MANEAL: variants seen among roughly 807,000 people sequenced by gnomAD.
MANEAL encodes mannosidase endo-alpha like, also known as glycoprotein endo-alpha-1,2-mannosidase-like protein.
A neutral mutation model predicts 35.9 loss-of-function variants in MANEAL; 28 were observed. That is an observed-to-expected ratio of 0.78 (90% CI 0.58 to 1.07). MANEAL has a LOEUF of 1.07. Ranked by LOEUF, MANEAL falls within the 50% of genes least tolerant of loss-of-function variation. The pLI, the probability that MANEAL is intolerant of heterozygous loss-of-function variation, is 0.00. For missense variants in MANEAL, 576 were observed against 629.6 expected (o/e 0.91, Z 0.91); for synonymous variants, 286 against 272.2 (o/e 1.05, Z -0.50).
At position 37,794,332 on chromosome 1, in the gene MANEAL, C is replaced by T. The variant is rs1487728380; in HGVS notation, c.150C>T (p.Arg50=). The T allele has an allele frequency of 9.1e-7, 1 of 1,104,558 alleles. No individual in the cohort carries two copies. The highest frequency in any genetic ancestry group is 1.1e-6 in the Non-Finnish European group (1 of 905,264). 68.4% of individuals were successfully genotyped at this position (1,104,558 alleles called of 1,614,324 possible). ...PGLELAPFER[R]PEGAPAPAAR... Reference sequence around the variant, plus strand: ...TGGAGCTGGCGCCCTTTGAGCGACGCCCAGAGGGGGCCCCCGCGCCCGCTG... The same window carrying T: ...TGGAGCTGGCGCCCTTTGAGCGACGTCCAGAGGGGGCCCCCGCGCCCGCTG... Residue 50 remains arginine (R), a synonymous_variant, in exon 1 of 4, where the codon CGC becomes CGT. Coordinates refer to ENST00000373045, the MANE Select transcript of MANEAL (RefSeq NM_001113482.2). This position sits in a 1 kb window ranked among gnomAD's most constrained non-coding sequence, Gnocchi z 5.7.
chr1:37,799,636 C>A lies in MANEAL; in HGVS notation c.807C>A (p.Ile269=), dbSNP rs150717434. The change falls in exon 4 of 4, where the codon ATC becomes ATA. Residue 269 remains isoleucine, a synonymous_variant. Transcript: ENST00000373045. This position sits in a 1 kb window ranked among gnomAD's most constrained non-coding sequence, Gnocchi z 4.1. ...GCAAGAGCCTCCCACTCTTTTATAT[C>A]TACGACTCATACCTGACGTCCCCTG... The part of the protein sequence containing the change: ...SMGKSLPLFY[I]YDSYLTSPEA... 8.7e-6 allele frequency: 14 copies of A among 1,614,082 alleles called. No homozygotes were observed. Among genetic ancestry groups the A allele is most frequent in the Non-Finnish European group, 1.2e-5 (14 of 1,180,050 alleles).
Position 37,799,538 on chromosome 1 carries a change from C to T in MANEAL, c.738-29C>T. On this transcript the variant is annotated intron_variant, in intron 3 of 3. Transcript: ENST00000373045. The surrounding 1 kb of genome is among the most constrained non-coding windows in gnomAD (Gnocchi z 4.1). Reference sequence around the variant, plus strand: ...TACAGCTGTGCTGGTCTCTCCCATCCAGCTGAGGCTCTTCTTTCTCCTTCT... The same window carrying T: ...TACAGCTGTGCTGGTCTCTCCCATCTAGCTGAGGCTCTTCTTTCTCCTTCT... 6.2e-7 allele frequency: 1 copy of T among 1,600,114 alleles called. No individual in the cohort carries two copies. The highest frequency in any genetic ancestry group is 1.1e-5 in the South Asian group (1 of 89,282).
Position 37,799,624 on chromosome 1 carries a change from ACT to A in MANEAL, c.798_799del (p.Phe267LeufsTer11). On this transcript the variant is annotated frameshift_variant, in exon 4 of 4. Transcript: ENST00000373045. LOFTEE classifies it high-confidence loss of function. The surrounding 1 kb of genome is among the most constrained non-coding windows in gnomAD (Gnocchi z 4.1). ...AGAACAGCATGGGCAAGAGCCTCCC[ACT>A]CTTTTATATCTACGACTCATACCTG... ...YKNSMGKSLP[L>X]FYIYDSYLTS... 1.2e-6 allele frequency: 2 copies of A among 1,613,872 alleles called. No individual in the cohort carries two copies. Among genetic ancestry groups the A allele is most frequent in the South Asian group, 1.1e-5 (1 of 91,060 alleles).
At chr1:37,795,074 G>C (rs1350457618) in intron 1 of MANEAL, among the ~76,000 whole-genome samples, 1 of 152,208 alleles carries the variant, frequency 6.6e-6, no homozygotes, top group Non-Finnish European at 1.5e-5. Flanking sequence ...AGGTTCTGGG[G>C]TTCAGAGGAG....
chr1:37,799,162 C>T lies in MANEAL; in HGVS notation c.738-405C>T, dbSNP rs1192130262. Among the ~76,000 whole-genome samples, 2 of 152,084 alleles carry T rather than the reference C, an allele frequency of 1.3e-5. No individual in the cohort carries two copies. Among genetic ancestry groups the T allele is most frequent in the Non-Finnish European group, 1.5e-5 (1 of 68,020 alleles). Reference sequence around the variant, plus strand: ...CAGATGCAAGTCCCATAAGATGGAACAAGCTTGCATGACACATGAGAGCCG... The same window carrying T: ...CAGATGCAAGTCCCATAAGATGGAATAAGCTTGCATGACACATGAGAGCCG... On this transcript the variant is annotated intron_variant, in intron 3 of 3. Transcript: ENST00000373045. The surrounding 1 kb of genome is among the most constrained non-coding windows in gnomAD (Gnocchi z 4.1).
rs1432109928 is a variant in MANEAL, at chr1:37,799,978, C to A, written c.1149C>A (p.Tyr383Ter). Reference protein sequence around the residue: ...HNTRNRVNGKYYETALQAALT... With the variant: ...HNTRNRVNGK ...CGCGCAACAGGGTCAATGGCAAGTA[C>A]TATGAGACGGCCCTGCAGGCGGCCC... is the stretch of plus-strand genomic sequence containing the variant. The change falls in exon 4 of 4, where the codon TAC becomes TAA. Residue 383 changes from tyrosine to a stop codon, truncating the protein, a stop_gained. Transcript: ENST00000373045. LOFTEE classifies it high-confidence loss of function. This position sits in a 1 kb window ranked among gnomAD's most constrained non-coding sequence, Gnocchi z 4.1. The A allele has an allele frequency of 6.2e-7, 1 of 1,614,236 alleles. No homozygotes were observed. Among genetic ancestry groups the A allele is most frequent in the Admixed American group, 1.7e-5 (1 of 60,034 alleles).
chr1:37,800,363 CAG>C lies in MANEAL; in HGVS notation c.*163_*164del, dbSNP rs1646688404. ...CCGTCAGGCATGGGCCTGTGCAACACAGAGCCCGTTCCTCAGGCGAGTGGTGC... is the reference window on the plus strand; with the variant it reads ...CCGTCAGGCATGGGCCTGTGCAACACAGCCCGTTCCTCAGGCGAGTGGTGC... On this transcript the variant is annotated 3_prime_UTR_variant, in exon 4 of 4. Transcript: ENST00000373045. 4 of 809,570 alleles carry C rather than the reference CAG, an allele frequency of 4.9e-6. No individual in the cohort carries two copies. Among genetic ancestry groups the C allele is most frequent in the Admixed American group, 5.5e-5 (2 of 36,246 alleles). 50.1% of individuals were successfully genotyped at this position (809,570 alleles called of 1,614,324 possible). A position where few individuals can be genotyped will look rare whatever the true frequency, so the allele number is the denominator to read the frequency against.
chr1:37,796,797 C>T lies in MANEAL; in HGVS notation c.714C>T (p.Asp238=), dbSNP rs763812503. 1 of 1,610,118 alleles carries T rather than the reference C, an allele frequency of 6.2e-7. No individual in the cohort carries two copies. The highest frequency in any genetic ancestry group is 8.5e-7 in the Non-Finnish European group (1 of 1,178,224). ...GCCGGGATGACATCACTGTACATGA[C>T]AACATCAAGTACATCATTGACACGT... The part of the protein sequence containing the change: ...YKGRDDITVH[D]NIKYIIDTYG... The change falls in exon 3 of 4, where the codon GAC becomes GAT. Residue 238 remains aspartate, a synonymous_variant. Transcript: ENST00000373045.
rs749990922 is a variant in MANEAL at position 37,799,625 on chromosome 1, C to A, written c.796C>A (p.Leu266Ile). The A allele has an allele frequency of 1.2e-6, 2 of 1,614,218 alleles. No homozygotes were observed. Among genetic ancestry groups the A allele is most frequent in the South Asian group, 2.2e-5 (2 of 91,088 alleles). ...GAACAGCATGGGCAAGAGCCTCCCA[C>A]TCTTTTATATCTACGACTCATACCT... is the stretch of plus-strand genomic sequence containing the variant. ...YKNSMGKSLP[L>I]FYIYDSYLTS... The change falls in exon 4 of 4, where the codon CTC (leucine) becomes ATC (isoleucine). Residue 266 changes from leucine to isoleucine, a missense_variant. This residue lies in a region of MANEAL where 449 missense variants were observed against 516.1 expected (regional missense o/e 0.87). Coordinates refer to ENST00000373045, the MANE Select transcript of MANEAL (RefSeq NM_001113482.2). The surrounding 1 kb of genome is among the most constrained non-coding windows in gnomAD (Gnocchi z 4.1).
At position 37,799,503 on chromosome 1, in the gene MANEAL, C is replaced by A; in HGVS notation, c.738-64C>A. 6.5e-7 allele frequency: 1 copy of A among 1,530,944 alleles called. No individual in the cohort carries two copies. The highest frequency in any genetic ancestry group is 8.8e-7 in the Non-Finnish European group (1 of 1,135,152). The allele number at this position is 1,530,944 out of a possible 1,614,324, so 94.8% of individuals were successfully genotyped here. On this transcript the variant is annotated intron_variant, in intron 3 of 3. Coordinates refer to ENST00000373045, the MANE Select transcript of MANEAL (RefSeq NM_001113482.2). This position sits in a 1 kb window ranked among gnomAD's most constrained non-coding sequence, Gnocchi z 4.1. ...CTGTGTTGCATCCGTATCTCATCCA[C>A]GGGAGGTCCTACAGCTGTGCTGGTC... is the stretch of plus-strand genomic sequence containing the variant.
In MANEAL at chr1:37,794,282, G is replaced by A. The variant is rs1217443486; in HGVS notation, c.100G>A (p.Gly34Arg). The A allele has an allele frequency of 1.2e-5, 15 of 1,255,108 alleles. No individual in the cohort carries two copies. The highest frequency in any genetic ancestry group is 4.1e-5 in the East Asian group (1 of 24,296). The allele number at this position is 1,255,108 out of a possible 1,614,324, so 77.7% of individuals were successfully genotyped here. The change falls in exon 1 of 4, where the codon GGA (glycine) becomes AGA (arginine). Residue 34 changes from glycine (G) to arginine (R), a missense_variant. Physicochemically the swap from Gly to Arg is moderately radical, Grantham distance 125 (BLOSUM62 -2). This residue lies in a region of MANEAL where 122 missense variants were observed against 97.2 expected (regional missense o/e 1.26). Coordinates refer to ENST00000373045, the MANE Select transcript of MANEAL (RefSeq NM_001113482.2). The surrounding 1 kb of genome is among the most constrained non-coding windows in gnomAD (Gnocchi z 5.7). The part of the protein sequence containing the change: ...MGLRTLKAPD[G>R]LPALGPGLEL... ...TCTGCGCACGCTCAAGGCTCCGGAC[G>A]GACTCCCGGCGCTGGGCCCGGGCCT...
intron 2 of MANEAL, 40 bp from the exon 3 acceptor site, chr1:37,796,700 CTAGA>C (rs1557573464): frequency 1.3e-6 from 2 of 1,544,708 alleles, no homozygotes; most frequent in Admixed American, 1.9e-5. Flanking sequence ...GTTGTGGCCC[CTAGA>C]TAGACACTCA....
intron 3 of MANEAL, among the ~76,000 whole-genome samples, chr1:37,797,464 CT>C (rs79029579): frequency 0.8 from 93,714 of 117,004 alleles, 37,016 homozygotes; most frequent in South Asian, 0.92. Flanking sequence ...AATGCCAGTG[CT>C]TTTTTTTTTT....
chr1:37,795,245 C>T (rs1037413511), intron 1 of MANEAL, among the ~76,000 whole-genome samples: 2 of 152,192 alleles, frequency 1.3e-5, no homozygotes, highest in Non-Finnish European at 1.5e-5. Flanking sequence ...GGCTTTTCAT[C>T]AAGCACCCAG....
Position 37,794,304 on chromosome 1 carries a change from G to C in MANEAL, c.122G>C (p.Gly41Ala). 4 of 1,187,300 alleles carry C rather than the reference G, an allele frequency of 3.4e-6. No homozygotes were observed. The highest frequency in any genetic ancestry group is 4.2e-6 in the Non-Finnish European group (4 of 953,142). 73.5% of individuals were successfully genotyped at this position (1,187,300 alleles called of 1,614,324 possible). ...GACGGACTCCCGGCGCTGGGCCCGG[G>C]CCTGGAGCTGGCGCCCTTTGAGCGA... Reference protein sequence around the residue: ...APDGLPALGPGLELAPFERRP... With the variant: ...APDGLPALGPALELAPFERRP... The change falls in exon 1 of 4, where the codon GGC becomes GCC. Residue 41 changes from glycine (G) to alanine (A), a missense_variant. Coordinates refer to ENST00000373045, the MANE Select transcript of MANEAL (RefSeq NM_001113482.2). This position sits in a 1 kb window ranked among gnomAD's most constrained non-coding sequence, Gnocchi z 5.7.
rs1479771925 is a variant in MANEAL, at chr1:37,794,237, G to T, written c.55G>T (p.Ala19Ser). 3.8e-6 allele frequency: 5 copies of T among 1,332,580 alleles called. No homozygotes were observed. The South Asian group carries it at 5.8e-5, about 16-fold the overall frequency. 82.5% of individuals were successfully genotyped at this position (1,332,580 alleles called of 1,614,324 possible). Residue 19 changes from alanine (A) to serine (S), a missense_variant, in exon 1 of 4, where the codon GCC becomes TCC. Coordinates refer to ENST00000373045, the MANE Select transcript of MANEAL (RefSeq NM_001113482.2). The surrounding 1 kb of genome is among the most constrained non-coding windows in gnomAD (Gnocchi z 5.7). ...CIALFLVLLF[A>S]FGTLMGLRTL... is the part of the protein sequence containing the mutation. ...CGCTCTGTTCCTGGTGCTGCTCTTC[G>T]CCTTCGGCACCCTCATGGGTCTGCG...
rs768543176 is a variant in MANEAL at position 37,800,009 on chromosome 1, G to T, written c.1180G>T (p.Val394Leu). The T allele has an allele frequency of 1.9e-6, 3 of 1,614,236 alleles. No homozygotes were observed. In the South Asian group the frequency reaches 3.3e-5, roughly 18 times the overall value. Reference protein sequence around the residue: ...YETALQAALTVRPEIVSITSF... With the variant: ...YETALQAALTLRPEIVSITSF... ...GACGGCCCTGCAGGCGGCCCTGACA[G>T]TGAGGCCCGAGATCGTTTCCATTAC... Residue 394 changes from valine (V) to leucine (L), a missense_variant, in exon 4 of 4, where the codon GTG (valine) becomes TTG (leucine). Physicochemically the swap from Val to Leu is conservative, Grantham distance 32. Transcript: ENST00000373045.
At chr1:37,796,594 A>G in intron 2 of MANEAL, 150 bp from the exon 3 acceptor site, 1 of 688,016 alleles carries the variant, frequency 1.5e-6, no homozygotes, top group Middle Eastern at 2.8e-4. Flanking sequence ...CTTCAAGGGC[A>G]GCAGCTGCCT....
Position 37,796,766 on chromosome 1 carries a change from A to G in MANEAL, c.683A>G (p.Tyr228Cys). ...SIQVAFHIQP[Y>C]KGRDDITVHD... ...CAGGTGGCCTTCCACATCCAACCCT[A>G]CAAGGGCCGGGATGACATCACTGTA... Residue 228 changes from tyrosine (Y) to cysteine (C), a missense_variant, in exon 3 of 4, where the codon TAC becomes TGC. Tyr to Cys is a radical substitution (Grantham distance 194). Coordinates refer to ENST00000373045, the MANE Select transcript of MANEAL (RefSeq NM_001113482.2). 2 of 1,604,222 alleles carry G rather than the reference A, an allele frequency of 1.2e-6. No homozygotes were observed. The highest frequency in any genetic ancestry group is 2.2e-5 in the East Asian group (1 of 44,506).
Sources: allele counts gnomAD v4.1 joint callset (sites outside exome capture counted in the v4.1 genomes callset), GRCh38; gene constraint gnomAD v4.1.1; regional missense constraint gnomAD v4.1.1; non-coding constraint Gnocchi (gnomAD v3.1); transcripts MANE v1.5; gene names NCBI Gene and HGNC (gene_info 2026-07-23, HGNC 2026-07-21).